ANXA3: variants seen among roughly 807,000 people sequenced by gnomAD.
ANXA3 encodes annexin A3, also known as 35-alpha calcimedin.
In ANXA3, 46 loss-of-function variants were observed where a neutral mutation model predicts 48.8. The ratio of observed to expected loss-of-function variants is 0.94; its 90% CI spans 0.74 to 1.21. ANXA3 has a LOEUF of 1.21. Among genes scored for constraint, ANXA3 ranks in the 50% most tolerant of loss-of-function variants. The pLI, the probability that ANXA3 is intolerant of heterozygous loss-of-function variation, is 0.00. For missense variants in ANXA3, 383 were observed against 378.6 expected (o/e 1.01, Z -0.10); for synonymous variants, 128 against 134.7 (o/e 0.95, Z 0.35).
intron 2 of ANXA3, among the ~76,000 whole-genome samples, chr4:78,556,810 A>C (rs868315373): frequency 1.3e-5 from 2 of 152,196 alleles, no homozygotes; most frequent in African/African-American, 4.8e-5. Context: ...GAGTAAATTA[A>C]CATGGAATTA....
intron 3 of ANXA3, among the ~76,000 whole-genome samples, chr4:78,578,217 G>C (rs1238529450): frequency 6.6e-6 from 1 of 151,380 alleles, no homozygotes; most frequent in African/African-American, 2.4e-5. Flanking sequence ...GGAGGTGGTG[G>C]TTGCAGTGAG....
intron 6 of ANXA3, among the ~76,000 whole-genome samples, chr4:78,589,177 A>T (rs542918765): frequency 1.1e-4 from 17 of 152,340 alleles, no homozygotes; most frequent in Non-Finnish European, 1.9e-4. Context: ...TTATTAAATG[A>T]GTGTCCTCAA....
intron 1 of ANXA3, chr4:78,552,126 G>C (rs1351072209): frequency 6.6e-6 from 1 of 152,402 alleles, no homozygotes; most frequent in East Asian, 1.9e-4. Flanking sequence ...CCCAGGTCTT[G>C]GTGGGGCCCA....
chr4:78,562,780 T>TG (rs1032020157), intron 2 of ANXA3, among the ~76,000 whole-genome samples: 1 of 152,136 alleles, frequency 6.6e-6, no homozygotes, highest in Non-Finnish European at 1.5e-5. Flanking sequence ...ATAAATATGA[T>TG]GGGGGGTGTG....
intron 12 of ANXA3, 117 bp downstream of exon 12, chr4:78,604,516 G>A (rs1723609101): frequency 6.1e-6 from 5 of 822,350 alleles, no homozygotes; most frequent in South Asian, 5.2e-5. Flanking sequence ...CCTTGTCAAT[G>A]TATAAATGTG....
At chr4:78,579,209 T>C (rs1723025906) in intron 4 of ANXA3, 88 bp downstream of exon 4, 2 of 846,812 alleles carry the variant, frequency 2.4e-6, no homozygotes, top group Non-Finnish European at 3.8e-6. Context: ...GTCTTCTGTT[T>C]CAGGCTGAGT....
At chr4:78,573,815 C>T (rs1326602705) in intron 3 of ANXA3, among the ~76,000 whole-genome samples, 1 of 152,142 alleles carries the variant, frequency 6.6e-6, no homozygotes, top group Non-Finnish European at 1.5e-5. Flanking sequence ...CCGGAACTGC[C>T]ATGGCACTGG....
chr4:78,608,890 T>C (rs1723703658), intron 12 of ANXA3, among the ~76,000 whole-genome samples: 1 of 152,214 alleles, frequency 6.6e-6, no homozygotes, highest in South Asian at 2.1e-4. Flanking sequence ...ATGTATTTTC[T>C]TGACTAACTG....
intron 3 of ANXA3, among the ~76,000 whole-genome samples, chr4:78,578,050 G>A (rs1263346847): frequency 1.3e-5 from 2 of 151,764 alleles, no homozygotes; most frequent in Admixed American, 6.6e-5. Context: ...AGGCTGAGGC[G>A]GGTGGATCAC....
At chr4:78,575,911 G>A (rs1490427172) in intron 3 of ANXA3, among the ~76,000 whole-genome samples, 7 of 151,836 alleles carry the variant, frequency 4.6e-5, no homozygotes, top group Admixed American at 3.9e-4. Flanking sequence ...GTATTTAAAG[G>A]TGTCTCATTT....
chr4:78,566,440 AATACT>A (rs56918808), intron 2 of ANXA3, among the ~76,000 whole-genome samples: 6 of 146,472 alleles, frequency 4.1e-5, no homozygotes, highest in South Asian at 4.4e-4. Context: ...ATGAATGTAG[AATACT>A]ATACTATACT....
chr4:78,591,203 A>T (rs1723288177), intron 6 of ANXA3, among the ~76,000 whole-genome samples: 1 of 152,224 alleles, frequency 6.6e-6, no homozygotes, highest in African/African-American at 2.4e-5. Context: ...TTAGTATGGA[A>T]GATGGCCAGA....
chr4:78,589,750 T>C (rs1187813437), intron 6 of ANXA3, among the ~76,000 whole-genome samples: 1 of 152,218 alleles, frequency 6.6e-6, no homozygotes, highest in African/African-American at 2.4e-5. Context: ...AGAGAGAAGA[T>C]ACAATGGGTT....
chr4:78,593,803 AT>A (rs60515646), intron 7 of ANXA3, among the ~76,000 whole-genome samples: 41,678 of 88,032 alleles, frequency 0.47, 10,030 homozygotes, highest in Non-Finnish European at 0.57. Context: ...CATTCAGCTA[AT>A]TTTTTTTTTT....
chr4:78,599,808 C>T (rs115727463), intron 10 of ANXA3, among the ~76,000 whole-genome samples: 1,771 of 151,612 alleles, frequency 0.012, 40 homozygotes, highest in African/African-American at 0.041. Context: ...GCCTGTAGTC[C>T]CAGCTACTCA....
chr4:78,602,280 T>C (rs1023543141), intron 11 of ANXA3: 10 of 150,360 alleles, frequency 6.7e-5, no homozygotes, highest in African/African-American at 2.5e-4. Flanking sequence ...GGTAAAAATA[T>C]GGCTTAATGT....
chr4:78,551,982 G>A (rs145708718), intron 1 of ANXA3, 123 bp downstream of exon 1: 3,525 of 152,450 alleles, frequency 0.023, 52 homozygotes, highest in Middle Eastern at 0.048. Flanking sequence ...CCCTGGGCAG[G>A]GCTGGCGGCT....
intron 2 of ANXA3, among the ~76,000 whole-genome samples, chr4:78,555,200 G>A (rs374309308): frequency 1.4e-4 from 21 of 152,272 alleles, no homozygotes; most frequent in Middle Eastern, 3.4e-3. Flanking sequence ...GTGAGACTCC[G>A]TCTCAAAAAA....
chr4:78,567,060 G>C (rs533596057), intron 2 of ANXA3, among the ~76,000 whole-genome samples: 1 of 152,154 alleles, frequency 6.6e-6, no homozygotes, highest in African/African-American at 2.4e-5. Context: ...GGAGGCTTCT[G>C]TTTGTGCATC....
Sources: gnomAD v4.1 joint callset for allele counts (sites outside exome capture counted in the v4.1 genomes callset) on GRCh38, gnomAD v4.1.1 for gene constraint, MANE v1.5 for transcripts, NCBI Gene and HGNC (gene_info 2026-07-23, HGNC 2026-07-21) for gene names.